Variants in PCP4 observed in about 807,000 individuals in gnomAD.
PCP4 encodes the protein Purkinje cell protein 4.
Under a neutral mutation model 10.0 loss-of-function variants are expected in PCP4, and 8 were observed. The ratio of observed to expected loss-of-function variants is 0.80; its 90% CI spans 0.47 to 1.45. PCP4 has a LOEUF of 1.45. PCP4 is among the 40% of genes most tolerant of loss of function. PCP4 has a pLI of 0.00. For missense variants in PCP4, 54 were observed against 74.4 expected (o/e 0.73, Z 1.01); for synonymous variants, 21 against 23.0 (o/e 0.91, Z 0.24).
chr21:39,872,910 G>A (rs1313707203), intron 1 of PCP4, among the ~76,000 whole-genome samples: 1 of 152,130 alleles, frequency 6.6e-6, no homozygotes, highest in Non-Finnish European at 1.5e-5. Flanking sequence ...TGGGAAATGG[G>A]TGCATTGTTA....
intron 2 of PCP4, among the ~76,000 whole-genome samples, chr21:39,911,843 A>T (rs532422401): frequency 6.6e-6 from 1 of 152,360 alleles, no homozygotes; most frequent in African/African-American, 2.4e-5. Flanking sequence ...GGGTTTTAGA[A>T]GACAAGATGA....
chr21:39,892,511 C>T (rs957311919), intron 1 of PCP4, among the ~76,000 whole-genome samples: 5 of 151,884 alleles, frequency 3.3e-5, no homozygotes, highest in Admixed American at 2.0e-4. Flanking sequence ...ACACAGCTCT[C>T]GGGGGCCACA....
At chr21:39,924,400 T>C (rs2087610919) in intron 2 of PCP4, among the ~76,000 whole-genome samples, 1 of 152,128 alleles carries the variant, frequency 6.6e-6, no homozygotes, top group Non-Finnish European at 1.5e-5. Flanking sequence ...CAAATTCAGA[T>C]TTTACCTGAA....
chr21:39,868,651 C>A (rs1328424727), intron 1 of PCP4, among the ~76,000 whole-genome samples: 1 of 152,198 alleles, frequency 6.6e-6, no homozygotes, highest in Non-Finnish European at 1.5e-5. Context: ...GCTGTCTCTG[C>A]ATCTGTCACC....
At chr21:39,923,915 A>T (rs1050421861) in intron 2 of PCP4, among the ~76,000 whole-genome samples, 3 of 152,200 alleles carry the variant, frequency 2.0e-5, no homozygotes, top group Non-Finnish European at 1.5e-5. Context: ...CTTTACAGTG[A>T]CATGACTTGT....
At chr21:39,888,321 T>G (rs1164852472) in intron 1 of PCP4, among the ~76,000 whole-genome samples, 1 of 152,182 alleles carries the variant, frequency 6.6e-6, no homozygotes, top group African/African-American at 2.4e-5. Context: ...GGGGGCAAAA[T>G]TTTAAAGAGG....
At chr21:39,898,134 C>T (rs2075717) in intron 1 of PCP4, among the ~76,000 whole-genome samples, 7,851 of 151,398 alleles carry the variant, frequency 0.052, 259 homozygotes, top group South Asian at 0.072. Flanking sequence ...AACAAAATGA[C>T]GCATTAACAA....
intron 2 of PCP4, among the ~76,000 whole-genome samples, chr21:39,904,252 C>T (rs918276162): frequency 1.7e-4 from 26 of 152,058 alleles, no homozygotes; most frequent in Non-Finnish European, 2.2e-4. Flanking sequence ...CCCTTTGTGG[C>T]TCCATATCTC....
At chr21:39,887,847 C>G (rs1348766283) in intron 1 of PCP4, among the ~76,000 whole-genome samples, 1 of 152,154 alleles carries the variant, frequency 6.6e-6, no homozygotes, top group East Asian at 1.9e-4. Flanking sequence ...AGAAAGCAGA[C>G]AAGAAACCCT....
chr21:39,894,350 C>G (rs1168752840), intron 1 of PCP4, among the ~76,000 whole-genome samples: 1 of 152,170 alleles, frequency 6.6e-6, no homozygotes, highest in Non-Finnish European at 1.5e-5. Context: ...TCTCTAGATC[C>G]CTTGGAAAAC....
chr21:39,881,170 G>A (rs1318306664), intron 1 of PCP4, among the ~76,000 whole-genome samples: 1 of 152,152 alleles, frequency 6.6e-6, no homozygotes, highest in African/African-American at 2.4e-5. Flanking sequence ...TCTTCCAAAA[G>A]TATACAATCT....
chr21:39,887,508 T>C (rs958327896), intron 1 of PCP4, among the ~76,000 whole-genome samples: 2 of 152,210 alleles, frequency 1.3e-5, no homozygotes, highest in African/African-American at 4.8e-5. Flanking sequence ...AAATCTTTTC[T>C]GTCTCTGTCA....
At position 39,919,412 on chromosome 21, in the gene PCP4, T is replaced by G. The variant is rs530454090; in HGVS notation, c.62-9572T>G. Among the ~76,000 whole-genome samples, 108 of 152,352 alleles carry G rather than the reference T, an allele frequency of 7.1e-4. 5 individuals carry two copies. In the South Asian group the frequency reaches 0.019, roughly 27 times the overall value. Reference sequence around the variant, plus strand: ...GCAAGGCATACTTAAGTTAAATGACTGTTATTTCTTTATAGCTTGCTAAAA... The same window carrying G: ...GCAAGGCATACTTAAGTTAAATGACGGTTATTTCTTTATAGCTTGCTAAAA... On this transcript the variant is annotated intron_variant, in intron 2 of 2. Transcript: ENST00000328619.
chr21:39,877,264 T>C (rs928048625), intron 1 of PCP4, among the ~76,000 whole-genome samples: 4 of 152,188 alleles, frequency 2.6e-5, no homozygotes, highest in African/African-American at 9.7e-5. Context: ...ACAAAGCCAT[T>C]GTTTTGTTCA....
At chr21:39,903,330 T>C (rs1410086313) in intron 2 of PCP4, among the ~76,000 whole-genome samples, 3 of 152,162 alleles carry the variant, frequency 2.0e-5, no homozygotes, top group Non-Finnish European at 4.4e-5. Flanking sequence ...GGGTGGAAGG[T>C]GTATGAACAC....
At chr21:39,908,366 C>A (rs903260489) in intron 2 of PCP4, among the ~76,000 whole-genome samples, 5 of 152,100 alleles carry the variant, frequency 3.3e-5, no homozygotes, top group African/African-American at 1.2e-4. Flanking sequence ...AGAGGAGACA[C>A]AAGAGGAAGC....
At chr21:39,880,770 C>A (rs1250713058) in intron 1 of PCP4, among the ~76,000 whole-genome samples, 1 of 152,158 alleles carries the variant, frequency 6.6e-6, no homozygotes, top group African/African-American at 2.4e-5. Flanking sequence ...AGAGGTCTAC[C>A]TTAGTAATTC....
At chr21:39,898,973 C>T (rs1034421385) in intron 2 of PCP4, among the ~76,000 whole-genome samples, 1 of 152,198 alleles carries the variant, frequency 6.6e-6, no homozygotes, top group Non-Finnish European at 1.5e-5. Flanking sequence ...CTGGAAGGTG[C>T]TGAGTCAGTG....
chr21:39,926,727 G>A (rs890843786), intron 2 of PCP4, among the ~76,000 whole-genome samples: 1 of 152,192 alleles, frequency 6.6e-6, no homozygotes, highest in Non-Finnish European at 1.5e-5. Flanking sequence ...CCAGTCCCAG[G>A]CTCATGTGAT....
Sources: gnomAD v4.1 joint callset for allele counts (sites outside exome capture counted in the v4.1 genomes callset) on GRCh38, gnomAD v4.1.1 for gene constraint, MANE v1.5 for transcripts, NCBI Gene and HGNC (gene_info 2026-07-23, HGNC 2026-07-21) for gene names.